The following ANKRD31 variants were observed in gnomAD, a reference collection of about 807,000 sequenced individuals.
ANKRD31 encodes ankyrin repeat domain 31.
In ANKRD31, 147 loss-of-function variants were observed where a neutral mutation model predicts 186.0. The observed-to-expected ratio is 0.79, with a 90% confidence interval of 0.69 to 0.91. The LOEUF (loss-of-function observed/expected upper bound fraction) is 0.91. Among genes scored for constraint, ANKRD31 ranks in the 40% least tolerant of loss-of-function variants. The pLI, the probability that ANKRD31 is intolerant of heterozygous loss-of-function variation, is 0.00. For synonymous variants in ANKRD31, 673 were observed against 736.4 expected (o/e 0.91, Z 1.39); for missense variants, 1,986 against 2,148.8 (o/e 0.92, Z 1.50).
In ANKRD31 at chr5:75,236,659, A is replaced by C. The variant is rs780586225; in HGVS notation, c.28T>G (p.Trp10Gly). ...TCTATCACAGTTTCATCACTGTCCC[A>C]GTCTGGGGCCTGGACGCCTTCCTCC... is the stretch of plus-strand genomic sequence containing the variant. MEEGVQAPD[W>G]DSDETVIEGS... Residue 10 changes from tryptophan to glycine, a missense_variant, in exon 1 of 26, where the codon TGG becomes GGG. Coordinates refer to ENST00000506364, the MANE Select transcript of ANKRD31 (RefSeq NM_001372053.1). The C allele has an allele frequency of 1.3e-6, 2 of 1,536,598 alleles. No homozygotes were observed. Among genetic ancestry groups the C allele is most frequent in the Non-Finnish European group, 1.7e-6 (2 of 1,146,552 alleles).
At chr5:75,114,709 A>G (rs1365587933) in intron 19 of ANKRD31, among the ~76,000 whole-genome samples, 2 of 152,228 alleles carry the variant, frequency 1.3e-5, no homozygotes, top group African/African-American at 4.8e-5. Context: ...AGGGATGTGA[A>G]GGACCTCTTC....
chr5:75,173,556 G>A (rs889807808), intron 10 of ANKRD31, among the ~76,000 whole-genome samples: 17 of 152,074 alleles, frequency 1.1e-4, no homozygotes, highest in African/African-American at 2.9e-4. Flanking sequence ...AAATCAATGT[G>A]CAAAAATCAC....
chr5:75,150,523 T>C (rs1751769371), intron 12 of ANKRD31, among the ~76,000 whole-genome samples: 2 of 151,998 alleles, frequency 1.3e-5, no homozygotes, highest in Admixed American at 1.3e-4. Flanking sequence ...TTAAGAAATA[T>C]TCAAACCATC....
intron 6 of ANKRD31, among the ~76,000 whole-genome samples, chr5:75,197,254 C>A (rs1359336578): frequency 1.3e-5 from 2 of 152,156 alleles, no homozygotes; most frequent in Admixed American, 6.6e-5. Flanking sequence ...TTTGAAATTG[C>A]TTTCAGAATG....
At chr5:75,183,812 T>C (rs533244173) in intron 10 of ANKRD31, among the ~76,000 whole-genome samples, 1 of 152,124 alleles carries the variant, frequency 6.6e-6, no homozygotes, top group East Asian at 1.9e-4. Context: ...GAATAATTAA[T>C]TCTGTCACAA....
chr5:75,195,956 G>A lies in ANKRD31; in HGVS notation c.692C>T (p.Pro231Leu). The stretch of plus-strand genomic sequence containing the variant: ...CAATCTTTCCTCCTGGGTGCTTTCT[G>A]GTGATGTAAGTAAACTTTCTAAGGC... ...VSALESLLTSPESTQEERLFE... is the reference protein window; with the variant it reads ...VSALESLLTSLESTQEERLFE... The change falls in exon 7 of 26, where the codon CCA (proline) becomes CTA (leucine). Residue 231 changes from proline (P) to leucine (L), a missense_variant. Transcript: ENST00000506364. The A allele has an allele frequency of 6.5e-7, 1 of 1,532,766 alleles. No homozygotes were observed. Among genetic ancestry groups the A allele is most frequent in the Non-Finnish European group, 8.7e-7 (1 of 1,144,684 alleles). 94.9% of individuals were successfully genotyped at this position (1,532,766 alleles called of 1,614,324 possible). A position where few individuals can be genotyped will look rare whatever the true frequency, so the allele number is the denominator to read the frequency against.
intron 1 of ANKRD31, among the ~76,000 whole-genome samples, chr5:75,232,037 G>A (rs898815147): frequency 6.6e-6 from 1 of 152,188 alleles, no homozygotes; most frequent in Non-Finnish European, 1.5e-5. Flanking sequence ...CCCTCTGTGA[G>A]AGTGAGTACA....
chr5:75,189,192 G>A (rs923803333), intron 9 of ANKRD31, among the ~76,000 whole-genome samples: 2 of 152,132 alleles, frequency 1.3e-5, no homozygotes, highest in Non-Finnish European at 2.9e-5. Flanking sequence ...CCACAGCCTT[G>A]ATCCTTGCAA....
At chr5:75,209,282 A>T (rs184943908) in intron 4 of ANKRD31, among the ~76,000 whole-genome samples, 1 of 152,276 alleles carries the variant, frequency 6.6e-6, no homozygotes, top group African/African-American at 2.4e-5. Flanking sequence ...ATATTTTATT[A>T]TAAAATATCA....
chr5:75,210,853 T>C lies in ANKRD31; in HGVS notation c.301A>G (p.Thr101Ala), dbSNP rs1186637116. ...EDTILQSQDETERNQALLQTR... is the reference protein window; with the variant it reads ...EDTILQSQDEAERNQALLQTR... Reference sequence around the variant, plus strand: ...TGTAACAGAGCTTGATTTCGTTCTGTTTCATCTTGAGACTGCTAGGAAAAA... The same window carrying C: ...TGTAACAGAGCTTGATTTCGTTCTGCTTCATCTTGAGACTGCTAGGAAAAA... Residue 101 changes from threonine (T) to alanine (A), a missense_variant, in exon 4 of 26, where the codon ACA (threonine) becomes GCA (alanine). Coordinates refer to ENST00000506364, the MANE Select transcript of ANKRD31 (RefSeq NM_001372053.1). 1.3e-6 allele frequency: 2 copies of C among 1,515,594 alleles called. No individual in the cohort carries two copies. Among genetic ancestry groups the C allele is most frequent in the Admixed American group, 2.2e-5 (1 of 46,284 alleles). The allele number at this position is 1,515,594 out of a possible 1,614,324, so 93.9% of individuals were successfully genotyped here. A position where few individuals can be genotyped will look rare whatever the true frequency, so the allele number is the denominator to read the frequency against.
At chr5:75,193,056 T>C (rs1755221100) in intron 8 of ANKRD31, among the ~76,000 whole-genome samples, 1 of 152,088 alleles carries the variant, frequency 6.6e-6, no homozygotes, top group Non-Finnish European at 1.5e-5. Context: ...TCTCCTGCTC[T>C]TTACTCCCCA....
chr5:75,176,547 C>G (rs1055705248), intron 10 of ANKRD31, among the ~76,000 whole-genome samples: 29 of 152,172 alleles, frequency 1.9e-4, no homozygotes, highest in African/African-American at 6.5e-4. Context: ...TCCAGAGGAA[C>G]AATCAGGCAG....
chr5:75,229,843 C>T (rs1327732972), intron 2 of ANKRD31, among the ~76,000 whole-genome samples: 15 of 122,432 alleles, frequency 1.2e-4, no homozygotes, highest in Admixed American at 4.6e-4. Context: ...CCAGCCTGGG[C>T]GACAGAGTGA....
chr5:75,165,463 C>T (rs111562028), intron 11 of ANKRD31, among the ~76,000 whole-genome samples: 2 of 151,870 alleles, frequency 1.3e-5, no homozygotes, highest in Non-Finnish European at 1.5e-5. Context: ...AAAAGACATA[C>T]GAGTAGGTAG....
intron 1 of ANKRD31, among the ~76,000 whole-genome samples, chr5:75,234,477 A>G (rs1383366069): frequency 6.6e-6 from 1 of 152,230 alleles, no homozygotes; most frequent in Non-Finnish European, 1.5e-5. Context: ...TCAGTGAGCT[A>G]TGACTGCACT....
At chr5:75,196,667 T>C (rs2150252835) in intron 6 of ANKRD31, among the ~76,000 whole-genome samples, 1 of 152,186 alleles carries the variant, frequency 6.6e-6, no homozygotes, top group East Asian at 1.9e-4. Flanking sequence ...AATAAGTAAA[T>C]GTGGAGTAAA....
At chr5:75,206,769 T>C (rs1464975354) in intron 4 of ANKRD31, among the ~76,000 whole-genome samples, 1 of 152,140 alleles carries the variant, frequency 6.6e-6, no homozygotes, top group Non-Finnish European at 1.5e-5. Flanking sequence ...TGGAGGTGAC[T>C]GTTTGCCAAA....
intron 10 of ANKRD31, among the ~76,000 whole-genome samples, chr5:75,175,756 A>T (rs929443571): frequency 1.3e-5 from 2 of 152,050 alleles, no homozygotes; most frequent in Non-Finnish European, 2.9e-5. Flanking sequence ...GTTGGGGTGG[A>T]GCCAAGATGG....
At chr5:75,171,512 A>T (rs1434802747) in intron 10 of ANKRD31, among the ~76,000 whole-genome samples, 1 of 151,994 alleles carries the variant, frequency 6.6e-6, no homozygotes, top group Non-Finnish European at 1.5e-5. Context: ...TATATTAGGC[A>T]AAAAGGTACA....
Sources: allele counts gnomAD v4.1 joint callset (sites outside exome capture counted in the v4.1 genomes callset), GRCh38; gene constraint gnomAD v4.1.1; transcripts MANE v1.5; gene names NCBI Gene and HGNC (gene_info 2026-07-23, HGNC 2026-07-21).